Variants in EPHA5 observed in about 807,000 individuals in gnomAD.
The protein encoded by EPHA5 is ephrin type-A receptor 5.
In EPHA5, 60 loss-of-function variants were observed where a neutral mutation model predicts 105.0. That is an observed-to-expected ratio of 0.57 (90% CI 0.46 to 0.71). The LOEUF is 0.71. Among genes scored for constraint, EPHA5 ranks in the 30% least tolerant of loss-of-function variants. EPHA5 has a pLI of 0.00. For synonymous variants in EPHA5, 513 were observed against 449.1 expected, an observed-to-expected ratio of 1.14 and a Z score of -1.80; for missense variants, 1,218 against 1,274.7, an observed-to-expected ratio of 0.96 and a Z score of 0.68.
chr4:65,461,113 G>A (rs1052077122), intron 5 of EPHA5, among the ~76,000 whole-genome samples: 12 of 151,730 alleles, frequency 7.9e-5, no homozygotes, highest in Admixed American at 7.2e-4. Context: ...TTAACATTTT[G>A]AAATCTGTCT....
At chr4:65,488,943 TG>T (rs1342818380) in intron 5 of EPHA5, among the ~76,000 whole-genome samples, 1 of 147,352 alleles carries the variant, frequency 6.8e-6, no homozygotes, top group Non-Finnish European at 1.5e-5. Context: ...TGGAGCTCAG[TG>T]GCGCGATCTC....
intron 3 of EPHA5, among the ~76,000 whole-genome samples, chr4:65,574,637 T>TAC (rs1468040383): frequency 1.7e-4 from 21 of 122,362 alleles, no homozygotes; most frequent in African/African-American, 5.0e-4. Context: ...CACATATATA[T>TAC]ATACACATAT....
intron 8 of EPHA5, among the ~76,000 whole-genome samples, chr4:65,401,530 T>C (rs13115464): frequency 0.19 from 28,495 of 152,048 alleles, 2,986 homozygotes; most frequent in African/African-American, 0.27. Flanking sequence ...AATTAAAATT[T>C]AATGCAAAAA....
chr4:65,431,298 A>G (rs977988350), intron 5 of EPHA5, among the ~76,000 whole-genome samples: 1 of 152,158 alleles, frequency 6.6e-6, no homozygotes, highest in Admixed American at 6.6e-5. Flanking sequence ...ATATTATAAT[A>G]CAGATAGCCA....
intron 12 of EPHA5, 50 bp from the exon 13 acceptor site, chr4:65,351,648 G>A (rs1362641932): frequency 1.3e-6 from 2 of 1,523,250 alleles, no homozygotes; most frequent in Non-Finnish European, 1.8e-6. Flanking sequence ...ATCACTGGGG[G>A]AAAATATGAG....
At chr4:65,507,252 C>T (rs1411644642) in intron 3 of EPHA5, among the ~76,000 whole-genome samples, 1 of 152,076 alleles carries the variant, frequency 6.6e-6, no homozygotes, top group Admixed American at 6.6e-5. Flanking sequence ...CAGTACCATG[C>T]TGTTTTGGTT....
chr4:65,348,232 C>T (rs1162366059), intron 13 of EPHA5, 29 bp from the exon 14 acceptor site: 1 of 1,596,722 alleles, frequency 6.3e-7, no homozygotes, highest in South Asian at 1.1e-5. Flanking sequence ...TAAAAAACTT[C>T]CTACATACTT....
intron 1 of EPHA5, among the ~76,000 whole-genome samples, 166 bp from the exon 2 acceptor site, chr4:65,643,593 G>C (rs776316061): frequency 6.6e-6 from 1 of 151,560 alleles, no homozygotes. Flanking sequence ...ATTGATGCAG[G>C]AGAACAAATG....
chr4:65,576,789 A>G (rs1741100701), intron 3 of EPHA5, among the ~76,000 whole-genome samples: 2 of 152,332 alleles, frequency 1.3e-5, no homozygotes, highest in Non-Finnish European at 2.9e-5. Flanking sequence ...TTCATCTGGG[A>G]AATCTCTCAC....
chr4:65,382,199 T>TA (rs890474141), intron 8 of EPHA5, among the ~76,000 whole-genome samples: 6 of 151,304 alleles, frequency 4.0e-5, no homozygotes, highest in Non-Finnish European at 7.4e-5. Flanking sequence ...TTTCTTACTC[T>TA]AAAAAAAACT....
intron 3 of EPHA5, among the ~76,000 whole-genome samples, chr4:65,569,719 A>C (rs1739922499): frequency 6.6e-6 from 1 of 151,776 alleles, no homozygotes; most frequent in Admixed American, 6.6e-5. Flanking sequence ...ATGCAAGTGA[A>C]AAATTTTAAA....
At chr4:65,647,726 C>T (rs941429468) in intron 1 of EPHA5, among the ~76,000 whole-genome samples, 5 of 151,984 alleles carry the variant, frequency 3.3e-5, no homozygotes, top group Non-Finnish European at 5.9e-5. Flanking sequence ...AACTGAGAGA[C>T]AGATTTCAAG....
chr4:65,534,335 C>A (rs953938532), intron 3 of EPHA5, among the ~76,000 whole-genome samples: 1 of 151,998 alleles, frequency 6.6e-6, no homozygotes, highest in East Asian at 1.9e-4. Flanking sequence ...GCCTGAGATT[C>A]GTGAAATATT....
At chr4:65,443,958 C>G (rs1358986136) in intron 5 of EPHA5, among the ~76,000 whole-genome samples, 1 of 151,888 alleles carries the variant, frequency 6.6e-6, no homozygotes, top group African/African-American at 2.4e-5. Context: ...CACATGCGCA[C>G]TGGGGGTACA....
At chr4:65,443,823 C>T (rs1428119565) in intron 5 of EPHA5, among the ~76,000 whole-genome samples, 1 of 152,136 alleles carries the variant, frequency 6.6e-6, no homozygotes, top group Non-Finnish European at 1.5e-5. Context: ...TGGGTCTCAA[C>T]CCTAGCAATA....
intron 7 of EPHA5, among the ~76,000 whole-genome samples, chr4:65,413,706 T>C (rs982590378): frequency 2.0e-5 from 3 of 152,170 alleles, no homozygotes; most frequent in Non-Finnish European, 2.9e-5. Flanking sequence ...GGCAAGTAAG[T>C]AACATAAATA....
chr4:65,478,175 A>G (rs1730012944), intron 5 of EPHA5, among the ~76,000 whole-genome samples: 1 of 152,172 alleles, frequency 6.6e-6, no homozygotes, highest in Admixed American at 6.5e-5. Context: ...GGCAGCTTTA[A>G]TTGGCAAAAT....
At chr4:65,347,551 A>G (rs897330833) in intron 14 of EPHA5, among the ~76,000 whole-genome samples, 5 of 152,142 alleles carry the variant, frequency 3.3e-5, no homozygotes, top group Non-Finnish European at 7.3e-5. Context: ...TTGTGGGGAA[A>G]ATCTGGTATT....
intron 2 of EPHA5, among the ~76,000 whole-genome samples, chr4:65,619,354 A>G (rs969805050): frequency 6.6e-6 from 1 of 152,182 alleles, no homozygotes; most frequent in African/African-American, 2.4e-5. Context: ...CTAGTATTAG[A>G]TATGTATATA....
Sources: gnomAD v4.1 joint callset for allele counts (sites outside exome capture counted in the v4.1 genomes callset) on GRCh38, gnomAD v4.1.1 for gene constraint, MANE v1.5 for transcripts, NCBI Gene and HGNC (gene_info 2026-07-23, HGNC 2026-07-21) for gene names.